CAMKMT: variants seen among roughly 807,000 people sequenced by gnomAD.
CAMKMT encodes the protein CaM KMT.
CAMKMT carries 53 observed loss-of-function variants against 48.0 expected under a neutral mutation model. The ratio of observed to expected loss-of-function variants is 1.10; its 90% CI spans 0.89 to 1.39. The LOEUF (loss-of-function observed/expected upper bound fraction) is 1.39, where lower values mean the gene tolerates loss of function less well. Ranked by LOEUF, CAMKMT falls within the 40% of genes most tolerant of loss-of-function variation. CAMKMT has a pLI of 0.00. For synonymous variants in CAMKMT, 165 were observed against 152.3 expected (o/e 1.08, Z -0.61); for missense variants, 428 against 402.7 (o/e 1.06, Z -0.54).
chr2:44,595,539 A>G (rs1038039319), intron 3 of CAMKMT, among the ~76,000 whole-genome samples: 1 of 152,244 alleles, frequency 6.6e-6, no homozygotes, highest in Non-Finnish European at 1.5e-5. Flanking sequence ...ATGGATAGGA[A>G]GAATCAATAT....
intron 3 of CAMKMT, among the ~76,000 whole-genome samples, chr2:44,663,227 G>T (rs1428073330): frequency 1.3e-5 from 2 of 152,044 alleles, no homozygotes; most frequent in Non-Finnish European, 2.9e-5. Flanking sequence ...GAAGTGGGAG[G>T]GTTTCCAGGT....
intron 3 of CAMKMT, among the ~76,000 whole-genome samples, chr2:44,488,654 A>T (rs1021000553): frequency 1.3e-5 from 2 of 151,868 alleles, no homozygotes; most frequent in Admixed American, 1.3e-4. Flanking sequence ...GTGAGCCATG[A>T]TTGCTCCACT....
intron 10 of CAMKMT, among the ~76,000 whole-genome samples, chr2:44,768,366 T>TATATATATAGA (rs1680946491): frequency 7.0e-6 from 1 of 142,420 alleles, no homozygotes; most frequent in African/African-American, 2.6e-5. Context: ...TATATATTTT[T>TATATATATAGA]TTTTTTTTTT....
At chr2:44,396,579 G>A (rs1044962360) in intron 3 of CAMKMT, among the ~76,000 whole-genome samples, 1 of 152,116 alleles carries the variant, frequency 6.6e-6, no homozygotes, top group African/African-American at 2.4e-5. Flanking sequence ...TGGCAAAGAT[G>A]AAAGAAGTTA....
chr2:44,766,196 A>G (rs1680834685), intron 9 of CAMKMT, among the ~76,000 whole-genome samples: 2 of 152,194 alleles, frequency 1.3e-5, no homozygotes, highest in Admixed American at 6.5e-5. Flanking sequence ...TATAAGTATT[A>G]TTTGAAAAAG....
intron 3 of CAMKMT, among the ~76,000 whole-genome samples, chr2:44,498,601 G>T (rs1669867757): frequency 6.6e-6 from 1 of 152,186 alleles, no homozygotes; most frequent in Non-Finnish European, 1.5e-5. Context: ...AATTCAAGAG[G>T]TTGGCTTATT....
intron 6 of CAMKMT, among the ~76,000 whole-genome samples, chr2:44,710,862 G>A (rs1677841936): frequency 6.6e-6 from 1 of 152,158 alleles, no homozygotes. Context: ...CAAGCACCCT[G>A]CCTTAGTAAA....
At chr2:44,372,090 C>T (rs1316378012) in intron 1 of CAMKMT, among the ~76,000 whole-genome samples, 3 of 152,184 alleles carry the variant, frequency 2.0e-5, no homozygotes, top group Non-Finnish European at 4.4e-5. Context: ...AAAGAAGCAG[C>T]TTATCTTCTT....
chr2:44,678,147 A>G (rs1247662411), intron 3 of CAMKMT, among the ~76,000 whole-genome samples: 6 of 152,220 alleles, frequency 3.9e-5, no homozygotes, highest in African/African-American at 1.4e-4. Flanking sequence ...AGCAACAAAA[A>G]CACCAACAAA....
chr2:44,648,201 A>G (rs1558769268), intron 3 of CAMKMT, among the ~76,000 whole-genome samples: 1 of 152,084 alleles, frequency 6.6e-6, no homozygotes, highest in Non-Finnish European at 1.5e-5. Flanking sequence ...ATTTATGTAT[A>G]TTTGTTTATT....
At position 44,772,055 on chromosome 2, in the gene CAMKMT, A is replaced by C; in HGVS notation, c.914A>C (p.Asp305Ala). 6.2e-7 allele frequency: 1 copy of C among 1,613,608 alleles called. No individual in the cohort carries two copies. The highest frequency in any genetic ancestry group is 8.5e-7 in the Non-Finnish European group (1 of 1,179,704). ...TTTCAGTTGAAAAAGGAAAACCCGG[A>C]CATATATGAAGAAAACCTTCATTAC... ...FHSKLKKENP[D>A]IYEENLHYPL... The change falls in exon 11 of 11, where the codon GAC becomes GCC. Residue 305 changes from aspartate to alanine, a missense_variant. Physicochemically the swap from Asp to Ala is moderately radical, Grantham distance 126. Coordinates refer to ENST00000378494, the MANE Select transcript of CAMKMT (RefSeq NM_024766.5).
intron 7 of CAMKMT, among the ~76,000 whole-genome samples, chr2:44,725,805 A>G (rs972171979): frequency 6.6e-6 from 1 of 152,100 alleles, no homozygotes; most frequent in African/African-American, 2.4e-5. Context: ...GAGCACATGA[A>G]GGGACTTCTA....
intron 3 of CAMKMT, among the ~76,000 whole-genome samples, chr2:44,546,762 CA>C (rs1667433333): frequency 6.6e-6 from 1 of 152,180 alleles, no homozygotes; most frequent in South Asian, 2.1e-4. Flanking sequence ...ATATCTGTGA[CA>C]GAGAGCACTT....
chr2:44,483,476 C>G (rs950376773), intron 3 of CAMKMT, among the ~76,000 whole-genome samples: 1 of 152,054 alleles, frequency 6.6e-6, no homozygotes, highest in African/African-American at 2.4e-5. Context: ...AATTGCTCTC[C>G]TCTGTTTAGA....
chr2:44,629,433 CTT>C (rs897761983), intron 3 of CAMKMT, among the ~76,000 whole-genome samples: 32 of 125,306 alleles, frequency 2.6e-4, no homozygotes, highest in African/African-American at 3.3e-4. Context: ...TTCTTTCTTT[CTT>C]TTTTTTTTTT....
intron 2 of CAMKMT, among the ~76,000 whole-genome samples, chr2:44,377,412 T>C (rs1163526721): frequency 2.6e-5 from 4 of 152,232 alleles, no homozygotes; most frequent in Admixed American, 6.5e-5. Flanking sequence ...CAAAATTCTT[T>C]GATTAAAATT....
At chr2:44,402,305 G>GT (rs59646499) in intron 3 of CAMKMT, among the ~76,000 whole-genome samples, 2 of 52,210 alleles carry the variant, frequency 3.8e-5, no homozygotes, top group African/African-American at 7.3e-5. Flanking sequence ...CCCCAGCTTG[G>GT]GTGACACAGC....
intron 2 of CAMKMT, 93 bp downstream of exon 2, chr2:44,372,981 G>A (rs1187564853): frequency 1.7e-6 from 2 of 1,167,844 alleles, no homozygotes; most frequent in East Asian, 5.2e-5. Context: ...TTATTCTATT[G>A]AGTTTACGGG....
chr2:44,411,861 C>G (rs1485470819), intron 3 of CAMKMT, among the ~76,000 whole-genome samples: 2 of 151,752 alleles, frequency 1.3e-5, no homozygotes, highest in Admixed American at 6.6e-5. Flanking sequence ...TCAATTTCAG[C>G]TAAATCTTTA....
Sources: allele counts gnomAD v4.1 joint callset (sites outside exome capture counted in the v4.1 genomes callset), GRCh38; gene constraint gnomAD v4.1.1; transcripts MANE v1.5; gene names NCBI Gene and HGNC (gene_info 2026-07-23, HGNC 2026-07-21).